RABGGTA: variants seen among roughly 807,000 people sequenced by gnomAD.
RABGGTA encodes the protein geranylgeranyl transferase type-2 subunit alpha.
Under a neutral mutation model 83.3 loss-of-function variants are expected in RABGGTA, and 69 were observed. The observed-to-expected ratio is 0.83, with a 90% CI of 0.68 to 1.01. The LOEUF (loss-of-function observed/expected upper bound fraction) is 1.01, where lower values mean the gene tolerates loss of function less well. Among genes scored for constraint, RABGGTA ranks in the 50% least tolerant of loss-of-function variants. The pLI is 0.00. For missense variants in RABGGTA, 681 were observed against 712.7 expected, an observed-to-expected ratio of 0.96 and a Z score of 0.51; for synonymous variants, 310 against 299.8, an observed-to-expected ratio of 1.03 and a Z score of -0.35.
chr14:24,266,279 G>A, intron 16 of RABGGTA, 151 bp downstream of exon 16: 1 of 707,992 alleles, frequency 1.4e-6, no homozygotes, highest in Non-Finnish European at 2.5e-6. Flanking sequence ...TAGCCCGACA[G>A]CCCCAGGCTC....
chr14:24,266,366 G>C, intron 16 of RABGGTA, 64 bp downstream of exon 16: 3 of 1,475,566 alleles, frequency 2.0e-6, no homozygotes, highest in Non-Finnish European at 2.8e-6. Context: ...CCTGCTGTCT[G>C]TCCCTTCCCA....
At position 24,269,504 on chromosome 14, in the gene RABGGTA, A is replaced by G; in HGVS notation, c.618T>C (p.Asp206=). 1.3e-6 allele frequency: 2 copies of G among 1,588,970 alleles called. No individual in the cohort carries two copies. Among genetic ancestry groups the G allele is most frequent in the Non-Finnish European group, 8.6e-7 (1 of 1,157,176 alleles). ...GACCCTGGTTACCTTTGAGCAGCAC[A>G]TCCTCAGGGAGGCGCCCCTGTGGTC... ...DSGPQGRLPE[D]VLLKELELVQ... Residue 206 remains aspartate (D), a synonymous_variant, in exon 6 of 17, where the codon GAT becomes GAC. Transcript: ENST00000216840.
At chr14:24,269,210 G>T in intron 6 of RABGGTA, 47 bp from the exon 7 acceptor site, 2 of 1,524,566 alleles carry the variant, frequency 1.3e-6, no homozygotes, top group Non-Finnish European at 1.8e-6. Context: ...ACACTGGTGA[G>T]CTCCTGGCCA....
rs750443196 is a variant in RABGGTA at position 24,270,163 on chromosome 14, G to GA, written c.240-24_240-23insT. On this transcript the variant is annotated intron_variant, in intron 4 of 16. Transcript: ENST00000216840. The stretch of plus-strand genomic sequence containing the variant: ...GACCTGTACCCAGAAGGGAAGGGGG[G>GA]GGTCAGGGCTCTCCTACAGTCAACC... The GA allele has an allele frequency of 3.1e-6, 5 of 1,591,920 alleles. No individual in the cohort carries two copies. In the Admixed American group the frequency reaches 5.3e-5, roughly 17 times the overall value.
At chr14:24,266,250 C>G (rs1057024233) in intron 16 of RABGGTA, among the ~76,000 whole-genome samples, 180 bp downstream of exon 16, 1 of 152,196 alleles carries the variant, frequency 6.6e-6, no homozygotes, top group East Asian at 1.9e-4. Flanking sequence ...CGCACAACTC[C>G]ACCAGTGCAG....
At chr14:24,265,909 G>A in intron 16 of RABGGTA, 146 bp from the exon 17 acceptor site, 1 of 1,339,206 alleles carries the variant, frequency 7.5e-7, no homozygotes, top group South Asian at 1.6e-5. Context: ...CTCTAGGCAG[G>A]GACTGCAAAT....
Position 24,271,100 on chromosome 14 carries a change from T to G in RABGGTA, c.3+13A>C, listed in dbSNP as rs1243795999. On this transcript the variant is annotated intron_variant, in intron 2 of 16. Transcript: ENST00000216840. ...GGCCTGCGGAGGTGAAGGGCTGGGCTCAGGGTTCTCACCATGGTGCCGGCT... is the reference window on the plus strand; with the variant it reads ...GGCCTGCGGAGGTGAAGGGCTGGGCGCAGGGTTCTCACCATGGTGCCGGCT... 6.4e-7 allele frequency: 1 copy of G among 1,558,170 alleles called. No homozygotes were observed. The highest frequency in any genetic ancestry group is 1.9e-5 in the Admixed American group (1 of 52,896).
Position 24,266,900 on chromosome 14 carries a change from A to G in RABGGTA, c.1354-11T>C, listed in dbSNP as rs1276847333. The G allele has an allele frequency of 1.2e-6, 2 of 1,601,506 alleles. No homozygotes were observed. The highest frequency in any genetic ancestry group is 2.7e-5 in the African/African-American group (2 of 74,560). ...GAGCACTGTCAGATCCTGGGGGGTG[A>G]AGGGAGGAAGGAGGTGATGGGCTTC... On this transcript the variant is annotated splice_polypyrimidine_tract_variant and intron_variant, in intron 14 of 16. Transcript: ENST00000216840.
chr14:24,269,722 T>TA (rs2040921270), intron 5 of RABGGTA, 28 bp from the exon 6 acceptor site: 3 of 1,609,156 alleles, frequency 1.9e-6, no homozygotes, highest in Admixed American at 1.7e-5. Flanking sequence ...CAGCATATCT[T>TA]AGAGGCAGGG....
rs2040947803 is a variant in RABGGTA at position 24,271,294 on chromosome 14, T to C, written c.-54-125A>G. 11 of 743,806 alleles carry C rather than the reference T, an allele frequency of 1.5e-5. No individual in the cohort carries two copies. In the East Asian group the frequency reaches 2.8e-4, roughly 19 times the overall value. 46.1% of individuals were successfully genotyped at this position (743,806 alleles called of 1,614,324 possible). On this transcript the variant is annotated intron_variant, in intron 1 of 16. Coordinates refer to ENST00000216840, the MANE Select transcript of RABGGTA (RefSeq NM_182836.3). ...TGTAAAGAGGTCCTGGGACAGGCTT[T>C]GCACGTTCCACAAGAGGTGAGCACC...
At position 24,270,359 on chromosome 14, in the gene RABGGTA, C is replaced by T; in HGVS notation, c.214G>A (p.Val72Met). 1 of 1,612,490 alleles carries T rather than the reference C, an allele frequency of 6.2e-7. No individual in the cohort carries two copies. Among genetic ancestry groups the T allele is most frequent in the East Asian group, 2.2e-5 (1 of 44,740 alleles). The change falls in exon 4 of 17, where the codon GTG (valine) becomes ATG (methionine). Residue 72 changes from valine to methionine, a missense_variant. Around this residue, in one of 5 missense-constraint regions of RABGGTA, gnomAD observed 115 missense variants for 111.5 expected, o/e 1.03. Transcript: ENST00000216840. ...FATLWNCRRE[V>M]LQQLETQKSP... Reference sequence around the variant, plus strand: ...TTCTGAGTCTCCAGCTGCTGGAGCACCTCTCGTCGGCAGTTCCAGAGGGTG... The same window carrying T: ...TTCTGAGTCTCCAGCTGCTGGAGCATCTCTCGTCGGCAGTTCCAGAGGGTG...
chr14:24,266,708 C>G (rs760108183), intron 15 of RABGGTA, 68 bp downstream of exon 15: 2 of 1,440,070 alleles, frequency 1.4e-6, no homozygotes, highest in Non-Finnish European at 2.0e-6. Flanking sequence ...GTAGGATGGG[C>G]AGACTTCTGA....
At chr14:24,266,698 G>T (rs1168088522) in intron 15 of RABGGTA, 78 bp downstream of exon 15, 8 of 1,381,502 alleles carry the variant, frequency 5.8e-6, no homozygotes, top group Non-Finnish European at 8.2e-6. Context: ...ACATCTCCTT[G>T]TAGGATGGGC....
chr14:24,269,314 T>C, intron 6 of RABGGTA, 151 bp from the exon 7 acceptor site: 1 of 1,047,184 alleles, frequency 9.5e-7, no homozygotes, highest in Non-Finnish European at 1.4e-6. Context: ...CAGTTTTATC[T>C]TCCCCATCAG....
chr14:24,271,247 G>C (rs998008711), intron 1 of RABGGTA, 78 bp from the exon 2 acceptor site: 1 of 1,243,448 alleles, frequency 8.0e-7, no homozygotes, highest in South Asian at 1.7e-5. Flanking sequence ...CAGCAAGCGT[G>C]CCTGGGCAGA....
intron 15 of RABGGTA, 126 bp downstream of exon 15, chr14:24,266,650 A>G: frequency 8.3e-7 from 1 of 1,209,322 alleles, no homozygotes; most frequent in Middle Eastern, 1.9e-4. Context: ...ATGGAGGTGG[A>G]AGGCACGCAG....
intron 14 of RABGGTA, 98 bp downstream of exon 14, chr14:24,267,562 G>T (rs1199615708): frequency 2.3e-6 from 2 of 882,172 alleles, no homozygotes; most frequent in African/African-American, 1.7e-5. Context: ...TATCTTGATT[G>T]GAAGTCCACA....
Position 24,268,945 on chromosome 14 carries a change from G to T in RABGGTA, c.764C>A (p.Ala255Asp). 6.3e-7 allele frequency: 1 copy of T among 1,587,962 alleles called. No homozygotes were observed. Among genetic ancestry groups the T allele is most frequent in the South Asian group, 1.2e-5 (1 of 86,942 alleles). The change falls in exon 8 of 17, where the codon GCC becomes GAC. Residue 255 changes from alanine (A) to aspartate (D), a missense_variant. By Grantham distance (126) the Ala-to-Asp change is moderately radical. Transcript: ENST00000216840. Reference protein sequence around the residue: ...LRCLHVSRDEACLTVSFSRPL... With the variant: ...LRCLHVSRDEDCLTVSFSRPL... Reference sequence around the variant, plus strand: ...CCGAGAGAAGGAGACAGTCAGACAGGCCTCGTCCCGGCTCACATGCAGGCA... The same window carrying T: ...CCGAGAGAAGGAGACAGTCAGACAGTCCTCGTCCCGGCTCACATGCAGGCA...
At position 24,270,902 on chromosome 14, in the gene RABGGTA, T is replaced by C. The variant is rs1232872780; in HGVS notation, c.49A>G (p.Lys17Glu). ...VKTSEEQAEA[K>E]RLEREQKLKL... Reference sequence around the variant, plus strand: ...AGCTTCTGCTCTCGCTCTAGCCTTTTGGCCTCCGCCTGCTCTTCTGACGTC... The same window carrying C: ...AGCTTCTGCTCTCGCTCTAGCCTTTCGGCCTCCGCCTGCTCTTCTGACGTC... Residue 17 changes from lysine to glutamate, a missense_variant, in exon 3 of 17, where the codon AAA becomes GAA. Physicochemically the swap from Lys to Glu is moderately conservative, Grantham distance 56. Coordinates refer to ENST00000216840, the MANE Select transcript of RABGGTA (RefSeq NM_182836.3). 1.4e-5 allele frequency: 22 copies of C among 1,613,944 alleles called. No homozygotes were observed. The highest frequency in any genetic ancestry group is 1.6e-5 in the Non-Finnish European group (19 of 1,179,904).
Sources: gnomAD v4.1 joint callset for allele counts (sites outside exome capture counted in the v4.1 genomes callset) on GRCh38, gnomAD v4.1.1 for gene constraint, gnomAD v4.1.1 regional missense constraint, MANE v1.5 for transcripts, NCBI Gene and HGNC (gene_info 2026-07-23, HGNC 2026-07-21) for gene names.